GLI2: variants seen among roughly 807,000 people sequenced by gnomAD.
GLI2 encodes the protein GLI family zinc finger 2.
In GLI2, 22 loss-of-function variants were observed where a neutral mutation model predicts 78.9. The ratio of observed to expected loss-of-function variants is 0.28; its 90% confidence interval spans 0.20 to 0.40. The LOEUF is 0.40. Ranked by LOEUF, GLI2 falls within the 10% of genes least tolerant of loss-of-function variation. The pLI, the probability that GLI2 is intolerant of heterozygous loss-of-function variation, is 1.00. For missense variants in GLI2, 2,097 were observed against 2,213.2 expected (o/e 0.95, Z 1.05); for synonymous variants, 974 against 963.7 (o/e 1.01, Z -0.20).
chr2:120,882,787 C>A lies in GLI2; in HGVS notation c.149-44574C>A, dbSNP rs1677216269. 2.0e-5 allele frequency among the ~76,000 whole-genome samples: 3 copies of A among 150,254 alleles called. No homozygotes were observed. The South Asian group carries it at 6.3e-4, about 32-fold the overall frequency. ...GTCTCACATCTGGTCTTAAGTGGGT[C>A]TTTTTTTTTTCTTCTCATTTTGTCT... On this transcript the variant is annotated intron_variant, in intron 2 of 13. Transcript: ENST00000361492.
chr2:120,761,526 G>T (rs2104645494), intron 1 of GLI2, among the ~76,000 whole-genome samples: 1 of 152,296 alleles, frequency 6.6e-6, no homozygotes, highest in South Asian at 2.1e-4. Context: ...TTTGCAACTG[G>T]AACCCAGAGG....
chr2:120,976,869 A>T (rs1449683018), intron 9 of GLI2, among the ~76,000 whole-genome samples: 1 of 152,224 alleles, frequency 6.6e-6, no homozygotes, highest in African/African-American at 2.4e-5. Context: ...AGATGGATGG[A>T]GCAGGCGCAC....
chr2:120,970,505 T>C lies in GLI2; in HGVS notation c.958T>C (p.Ser320Pro). 1 of 1,613,938 alleles carries C rather than the reference T, an allele frequency of 6.2e-7. No homozygotes were observed. The highest frequency in any genetic ancestry group is 2.2e-5 in the East Asian group (1 of 44,864). Residue 320 changes from serine (S) to proline (P), a missense_variant, in exon 7 of 14, where the codon TCA becomes CCA. Transcript: ENST00000361492. ...ACACACACCACCCCTGATCCAGCCC[T>C]CACCCACCTTCCTGGCCCAGCAGCC... ...FGHTPPLIQP[S>P]PTFLAQQPMA...
At chr2:120,774,528 T>C (rs1573365248) in intron 1 of GLI2, among the ~76,000 whole-genome samples, 2 of 152,190 alleles carry the variant, frequency 1.3e-5, no homozygotes, top group Admixed American at 6.5e-5. Context: ...CCTTTTCATG[T>C]GTATTTATTT....
intron 3 of GLI2, among the ~76,000 whole-genome samples, chr2:120,947,648 T>C (rs147541181): frequency 6.8e-4 from 103 of 152,198 alleles, no homozygotes; most frequent in Admixed American, 1.1e-3. Flanking sequence ...GAAAGGGAGT[T>C]AATGCATATA....
At chr2:120,794,016 T>G (rs922121721) in intron 1 of GLI2, among the ~76,000 whole-genome samples, 2 of 152,214 alleles carry the variant, frequency 1.3e-5, no homozygotes, top group African/African-American at 4.8e-5. Context: ...TGCTGTGTTT[T>G]GGGTCCGTTC....
chr2:120,826,841 G>A (rs899930561), intron 2 of GLI2, among the ~76,000 whole-genome samples: 2 of 152,104 alleles, frequency 1.3e-5, no homozygotes, highest in East Asian at 1.9e-4. Flanking sequence ...TTTCAGATCC[G>A]CCTGGGCAAC....
chr2:120,919,847 G>C (rs1679282204), intron 2 of GLI2, among the ~76,000 whole-genome samples: 1 of 135,250 alleles, frequency 7.4e-6, no homozygotes, highest in South Asian at 2.4e-4. Flanking sequence ...CCCTGGAGCG[G>C]CCAATTGCCC....
At chr2:120,825,650 G>A (rs976688920) in intron 2 of GLI2, among the ~76,000 whole-genome samples, 2 of 152,178 alleles carry the variant, frequency 1.3e-5, no homozygotes, top group Admixed American at 1.3e-4. Context: ...ACCGGACTGT[G>A]AGTGTGCACC....
chr2:120,794,395 C>A (rs1684288523), intron 1 of GLI2, among the ~76,000 whole-genome samples: 1 of 152,118 alleles, frequency 6.6e-6, no homozygotes, highest in South Asian at 2.1e-4. Flanking sequence ...CATGGGAAGA[C>A]TTTACCTGAA....
chr2:120,910,114 T>G (rs1678742872), intron 2 of GLI2, among the ~76,000 whole-genome samples: 1 of 152,154 alleles, frequency 6.6e-6, no homozygotes, highest in African/African-American at 2.4e-5. Flanking sequence ...GGTTTCCTCC[T>G]TTTAGCTGTC....
At chr2:120,831,572 T>C (rs888002191) in intron 2 of GLI2, among the ~76,000 whole-genome samples, 1 of 152,146 alleles carries the variant, frequency 6.6e-6, no homozygotes, top group Admixed American at 6.5e-5. Flanking sequence ...TTGGGGATAG[T>C]CAGTAAAATA....
At chr2:120,738,999 G>C (rs888993085) in intron 1 of GLI2, among the ~76,000 whole-genome samples, 3 of 152,000 alleles carry the variant, frequency 2.0e-5, no homozygotes, top group African/African-American at 7.3e-5. Context: ...CGAATGCAGA[G>C]TCAATCCTTT....
intron 2 of GLI2, among the ~76,000 whole-genome samples, chr2:120,879,662 C>A (rs1677017396): frequency 6.6e-6 from 1 of 152,206 alleles, no homozygotes. Context: ...GGGCTGGATG[C>A]CTGGATGAAT....
chr2:120,792,413 G>T (rs1684189052), intron 1 of GLI2: 2 of 152,222 alleles, frequency 1.3e-5, no homozygotes, highest in African/African-American at 2.4e-5. Context: ...TACATGTGCT[G>T]CTTTACCGAC....
chr2:120,749,891 G>T (rs1298396870), intron 1 of GLI2, among the ~76,000 whole-genome samples: 1 of 152,240 alleles, frequency 6.6e-6, no homozygotes, highest in African/African-American at 2.4e-5. Flanking sequence ...GTGTCATGCA[G>T]TGGTGACAGC....
chr2:120,776,979 G>A (rs543511701), intron 1 of GLI2, among the ~76,000 whole-genome samples: 1 of 152,324 alleles, frequency 6.6e-6, no homozygotes, highest in Admixed American at 6.5e-5. Flanking sequence ...AGGACCCACT[G>A]CCACCTCCCC....
At chr2:120,802,814 A>G (rs1047692565) in intron 2 of GLI2, among the ~76,000 whole-genome samples, 11 of 152,216 alleles carry the variant, frequency 7.2e-5, no homozygotes, top group African/African-American at 1.7e-4. Flanking sequence ...CTCTTCCACG[A>G]AGCATCCACT....
intron 2 of GLI2, among the ~76,000 whole-genome samples, chr2:120,926,891 C>G (rs957108641): frequency 6.6e-6 from 1 of 152,234 alleles, no homozygotes; most frequent in Non-Finnish European, 1.5e-5. Context: ...CTGGCGGCAC[C>G]GTCTGTGGGC....
Sources: allele counts gnomAD v4.1 joint callset (sites outside exome capture counted in the v4.1 genomes callset), GRCh38; gene constraint gnomAD v4.1.1; transcripts MANE v1.5; gene names NCBI Gene and HGNC (gene_info 2026-07-23, HGNC 2026-07-21).